CADM2: variants seen among roughly 807,000 people sequenced by gnomAD.
CADM2 encodes cell adhesion molecule 2.
In CADM2, 12 loss-of-function variants were observed where a neutral mutation model predicts 49.8. The ratio of observed to expected loss-of-function variants is 0.24; its 90% CI spans 0.15 to 0.39. CADM2 has a LOEUF of 0.39. Ranked by LOEUF, CADM2 falls within the 10% of genes least tolerant of loss-of-function variation. CADM2 has a pLI of 1.00. For missense variants in CADM2, 378 were observed against 492.3 expected (o/e 0.77, Z 2.20); for synonymous variants, 214 against 175.4 (o/e 1.22, Z -1.74).
At chr3:85,622,868 T>TTTTG (rs2064017014) in intron 1 of CADM2, among the ~76,000 whole-genome samples, 1 of 151,900 alleles carries the variant, frequency 6.6e-6, no homozygotes, top group Non-Finnish European at 1.5e-5. Context: ...CTGCAAATTT[T>TTTTG]TTTTGTTTTG....
At chr3:85,664,485 C>T (rs1214104378) in intron 1 of CADM2, among the ~76,000 whole-genome samples, 1 of 151,978 alleles carries the variant, frequency 6.6e-6, no homozygotes, top group African/African-American at 2.4e-5. Context: ...CACCCTACAT[C>T]AGATGCATCA....
At chr3:85,501,983 C>A (rs570419903) in intron 1 of CADM2, among the ~76,000 whole-genome samples, 7 of 152,174 alleles carry the variant, frequency 4.6e-5, no homozygotes, top group African/African-American at 1.7e-4. Flanking sequence ...TATAATTCTT[C>A]TTCTAAGAAA....
intron 1 of CADM2, among the ~76,000 whole-genome samples, chr3:85,570,811 G>A (rs1263908647): frequency 6.6e-6 from 1 of 152,056 alleles, no homozygotes; most frequent in Non-Finnish European, 1.5e-5. Flanking sequence ...ATGATTACTT[G>A]GTAATTTATC....
At chr3:85,464,388 T>A (rs1277988119) in intron 1 of CADM2, among the ~76,000 whole-genome samples, 1 of 152,172 alleles carries the variant, frequency 6.6e-6, no homozygotes, top group South Asian at 2.1e-4. Flanking sequence ...TCCATCTGTC[T>A]CTGGAAATTC....
chr3:85,723,598 C>T (rs936597498), intron 1 of CADM2, among the ~76,000 whole-genome samples: 21 of 152,094 alleles, frequency 1.4e-4, no homozygotes, highest in Admixed American at 4.6e-4. Flanking sequence ...CAGAAACAGG[C>T]ATAGAGCTTT....
intron 5 of CADM2, among the ~76,000 whole-genome samples, chr3:85,894,429 T>C (rs954319488): frequency 2.6e-5 from 4 of 151,996 alleles, no homozygotes; most frequent in Non-Finnish European, 5.9e-5. Flanking sequence ...CACACCAACA[T>C]GGCACATGTA....
intron 1 of CADM2, among the ~76,000 whole-genome samples, chr3:85,395,744 ATAATT>A (rs1375046641): frequency 3.9e-5 from 6 of 152,004 alleles, no homozygotes; most frequent in African/African-American, 1.4e-4. Context: ...TGAAGTTTAT[ATAATT>A]TAAGAGTCAC....
intron 1 of CADM2, among the ~76,000 whole-genome samples, chr3:84,993,015 A>C (rs1157551419): frequency 7.9e-5 from 12 of 152,184 alleles, no homozygotes; most frequent in Admixed American, 7.9e-4. Flanking sequence ...CAGTGACTCC[A>C]ATAATTTTAA....
intron 1 of CADM2, among the ~76,000 whole-genome samples, chr3:85,635,790 A>G (rs1448086307): frequency 6.6e-6 from 1 of 152,196 alleles, no homozygotes; most frequent in East Asian, 1.9e-4. Context: ...AGTTAAAAAT[A>G]TATGTACAGC....
At chr3:85,957,731 C>T (rs1046056684) in intron 7 of CADM2, among the ~76,000 whole-genome samples, 19 of 151,804 alleles carry the variant, frequency 1.3e-4, no homozygotes, top group Non-Finnish European at 2.2e-4. Context: ...CCATGATTTC[C>T]GTGACTTCCT....
At chr3:85,038,629 T>A (rs2035314104) in intron 1 of CADM2, among the ~76,000 whole-genome samples, 1 of 152,222 alleles carries the variant, frequency 6.6e-6, no homozygotes, top group Non-Finnish European at 1.5e-5. Context: ...ATTCCTGAAC[T>A]CAATCTAGTC....
At chr3:85,950,111 T>C (rs190804831) in intron 7 of CADM2, among the ~76,000 whole-genome samples, 1 of 151,196 alleles carries the variant, frequency 6.6e-6, no homozygotes, top group African/African-American at 2.4e-5. Context: ...TCAAATAAGT[T>C]GAAAACTTTT....
chr3:85,167,921 A>C (rs915660270), intron 1 of CADM2, among the ~76,000 whole-genome samples: 6 of 152,068 alleles, frequency 3.9e-5, no homozygotes, highest in Admixed American at 3.9e-4. Flanking sequence ...ATATACATAT[A>C]TATCTCTCCA....
intron 1 of CADM2, among the ~76,000 whole-genome samples, chr3:85,032,446 C>G (rs2035029158): frequency 6.6e-6 from 1 of 152,018 alleles, no homozygotes; most frequent in African/African-American, 2.4e-5. Flanking sequence ...CCACTAAAGA[C>G]ACATGCAGAA....
At chr3:86,052,889 T>C (rs1245886759) in intron 8 of CADM2, among the ~76,000 whole-genome samples, 1 of 152,160 alleles carries the variant, frequency 6.6e-6, no homozygotes, top group East Asian at 1.9e-4. Flanking sequence ...AAGTGTATTT[T>C]ATACTCACAA....
At chr3:85,676,940 A>G (rs7638487) in intron 1 of CADM2, among the ~76,000 whole-genome samples, 5,534 of 152,136 alleles carry the variant, frequency 0.036, 316 homozygotes, top group African/African-American at 0.13. Flanking sequence ...GTTCCATTCT[A>G]TATTTCATAT....
intron 1 of CADM2, among the ~76,000 whole-genome samples, chr3:84,988,687 T>TAATTG (rs1457909065): frequency 1.3e-5 from 2 of 152,170 alleles, no homozygotes; most frequent in East Asian, 3.8e-4. Flanking sequence ...AACTTATGTT[T>TAATTG]AATTGAATTA....
intron 1 of CADM2, among the ~76,000 whole-genome samples, chr3:85,667,080 TAGATTTCCTGGTA>T (rs2065592026): frequency 6.6e-6 from 1 of 152,010 alleles, no homozygotes; most frequent in African/African-American, 2.4e-5. Context: ...GTCTCCATCT[TAGATTTCCTGGTA>T]AGATTTCCTG....
chr3:85,810,412 A>G (rs575508584), intron 3 of CADM2, among the ~76,000 whole-genome samples: 2 of 152,144 alleles, frequency 1.3e-5, no homozygotes, highest in Non-Finnish European at 2.9e-5. Context: ...TTTTCAGTTA[A>G]GATAATTCCA....
Sources: allele counts gnomAD v4.1 joint callset (sites outside exome capture counted in the v4.1 genomes callset), GRCh38; gene constraint gnomAD v4.1.1; transcripts MANE v1.5; gene names NCBI Gene and HGNC (gene_info 2026-07-23, HGNC 2026-07-21).